PHACTR2: variants seen among roughly 807,000 people sequenced by gnomAD.
PHACTR2 encodes the protein chromosome 6 open reading frame 56.
Under a neutral mutation model 76.0 loss-of-function variants are expected in PHACTR2, and 30 were observed. The ratio of observed to expected loss-of-function variants is 0.39; its 90% CI spans 0.30 to 0.54. PHACTR2 has a LOEUF of 0.54. Ranked by LOEUF, PHACTR2 falls within the 20% of genes least tolerant of loss-of-function variation. The pLI, the probability that PHACTR2 is intolerant of heterozygous loss-of-function variation, is 0.61. For synonymous variants in PHACTR2, 292 were observed against 292.5 expected, an observed-to-expected ratio of 1.00 and a Z score of 0.02; for missense variants, 696 against 781.1, an observed-to-expected ratio of 0.89 and a Z score of 1.30.
rs562410580 is a variant in PHACTR2, at chr6:143,611,684, A to G, written c.13+3362A>G. ...ATGTTGGCGTTTTAGAGAGTCATCAAAAGATTGAAGCAGGTTGCTTTATGA... is the reference window on the plus strand; with the variant it reads ...ATGTTGGCGTTTTAGAGAGTCATCAGAAGATTGAAGCAGGTTGCTTTATGA... On this transcript the variant is annotated intron_variant, in intron 1 of 11. Coordinates refer to the PHACTR2 transcript ENST00000305766. The surrounding 1 kb of genome is among the most constrained non-coding windows in gnomAD (Gnocchi z 4.4). 6.6e-6 allele frequency among the ~76,000 whole-genome samples: 1 copy of G among 152,340 alleles called. No individual in the cohort carries two copies. The highest frequency in any genetic ancestry group is 2.4e-5 in the African/African-American group (1 of 41,576).
In PHACTR2 at chr6:143,621,550, G is replaced by C. The variant is rs1033879728; in HGVS notation, c.13+13228G>C. ...TTCTTATATTTAATCACATTTACTG[G>C]CTTTCTCAAATTGAACATACCCCAA... is the stretch of plus-strand genomic sequence containing the variant. On this transcript the variant is annotated intron_variant, in intron 1 of 11. Coordinates refer to the PHACTR2 transcript ENST00000305766. This position sits in a 1 kb window ranked among gnomAD's most constrained non-coding sequence, Gnocchi z 4.1. 6.6e-6 allele frequency among the ~76,000 whole-genome samples: 1 copy of C among 152,150 alleles called. No individual in the cohort carries two copies. Among genetic ancestry groups the C allele is most frequent in the Non-Finnish European group, 1.5e-5 (1 of 68,030 alleles).
At chr6:143,600,068 G>T (rs1350240837) in intron 1 of PHACTR2, among the ~76,000 whole-genome samples, 1 of 152,248 alleles carries the variant, frequency 6.6e-6, no homozygotes, top group African/African-American at 2.4e-5. Flanking sequence ...CTACTAGAGA[G>T]AATCACCTTT....
rs1775050869 is a variant in PHACTR2 at position 143,549,187 on chromosome 6, A to T, written c.217+11980A>T. Among the ~76,000 whole-genome samples the T allele has an allele frequency of 6.6e-6, 1 of 151,980 alleles. No homozygotes were observed. The highest frequency in any genetic ancestry group is 1.5e-5 in the Non-Finnish European group (1 of 67,942). ...GGCAGCCCTCAGTGGTCATTTAACC[A>T]GATCTCCTCATTCCTTCAGGAAGAT... is the stretch of plus-strand genomic sequence containing the variant. On this transcript the variant is annotated intron_variant, in intron 1 of 11. Coordinates refer to the PHACTR2 transcript ENST00000367584. The surrounding 1 kb of genome is among the most constrained non-coding windows in gnomAD (Gnocchi z 4.2).
chr6:143,555,413 A>G (rs556203555), intron 1 of PHACTR2, among the ~76,000 whole-genome samples: 1 of 152,212 alleles, frequency 6.6e-6, no homozygotes, highest in South Asian at 2.1e-4. Flanking sequence ...AAACCTTATC[A>G]CTTTCACACC....
intron 1 of PHACTR2, among the ~76,000 whole-genome samples, chr6:143,577,865 T>TC (rs898599457): frequency 1.3e-5 from 2 of 151,978 alleles, no homozygotes; most frequent in Non-Finnish European, 2.9e-5. Flanking sequence ...CAGCAAAGGT[T>TC]CAAGAAGTGC....
intron 1 of PHACTR2, among the ~76,000 whole-genome samples, chr6:143,686,568 A>G (rs1462363322): frequency 7.0e-6 from 1 of 143,596 alleles, no homozygotes; most frequent in Non-Finnish European, 1.5e-5. Context: ...GCTCACTGCA[A>G]CCTCCACCTT....
intron 2 of PHACTR2, among the ~76,000 whole-genome samples, chr6:143,740,963 G>A (rs1778926855): frequency 6.6e-6 from 1 of 152,194 alleles, no homozygotes. Context: ...AAAAATAATT[G>A]CTTAGCTGAG....
intron 1 of PHACTR2, among the ~76,000 whole-genome samples, chr6:143,601,629 G>A (rs1447933122): frequency 2.0e-5 from 3 of 152,190 alleles, no homozygotes; most frequent in South Asian, 2.1e-4. Flanking sequence ...TGCCTTTCAC[G>A]GAGATAGGCT....
chr6:143,614,880 A>C (rs1428618075), intron 1 of PHACTR2, among the ~76,000 whole-genome samples: 1 of 152,230 alleles, frequency 6.6e-6, no homozygotes, highest in African/African-American at 2.4e-5. Flanking sequence ...GATTTTATCA[A>C]TCCAAATGTA....
intron 6 of PHACTR2, among the ~76,000 whole-genome samples, chr6:143,771,267 ACT>A (rs1373843154): frequency 8.4e-6 from 1 of 119,534 alleles, no homozygotes. Flanking sequence ...ACAGGGTCTC[ACT>A]CTGTTACCCA....
intron 1 of PHACTR2, among the ~76,000 whole-genome samples, chr6:143,594,839 A>G (rs1775729360): frequency 6.6e-6 from 1 of 152,236 alleles, no homozygotes; most frequent in Non-Finnish European, 1.5e-5. Flanking sequence ...TTTTGCTCTC[A>G]TTAACCAGGT....
intron 1 of PHACTR2, among the ~76,000 whole-genome samples, chr6:143,609,209 C>A (rs547762041): frequency 1.1e-4 from 16 of 152,302 alleles, no homozygotes; most frequent in Admixed American, 4.6e-4. Flanking sequence ...CACTACAAGA[C>A]CACCCATTGA....
chr6:143,577,454 T>C (rs1014769091), intron 1 of PHACTR2, among the ~76,000 whole-genome samples: 7 of 152,154 alleles, frequency 4.6e-5, no homozygotes, highest in African/African-American at 1.7e-4. Flanking sequence ...CATTAAATAG[T>C]ATTAAAGATT....
In PHACTR2 at chr6:143,537,249, G is replaced by T; in HGVS notation, c.217+42G>T. On this transcript the variant is annotated intron_variant, in intron 1 of 11. Transcript: ENST00000367584. This position sits in a 1 kb window ranked among gnomAD's most constrained non-coding sequence, Gnocchi z 4.4. ...GCGCGGGCCGGGGAGGGCCGGCCGC[G>T]GGCAGGTGGCCGCGAGGGCGACGCG... 5.3e-6 allele frequency: 1 copy of T among 190,366 alleles called. No homozygotes were observed. Among genetic ancestry groups the T allele is most frequent in the South Asian group, 1.4e-4 (1 of 7,002 alleles). 11.8% of individuals were successfully genotyped at this position (190,366 alleles called of 1,614,324 possible).
At position 143,619,772 on chromosome 6, in the gene PHACTR2, G is replaced by A. The variant is rs1291165540; in HGVS notation, c.13+11450G>A. 6.6e-6 allele frequency among the ~76,000 whole-genome samples: 1 copy of A among 152,160 alleles called. No homozygotes were observed. Among genetic ancestry groups the A allele is most frequent in the African/African-American group, 2.4e-5 (1 of 41,442 alleles). ...AATTTGGCAACCCTCCATTTTTAAA[G>A]CAGCTTGACTTGGGGCATTTTTAAT... On this transcript the variant is annotated intron_variant, in intron 1 of 11. Coordinates refer to the PHACTR2 transcript ENST00000305766. The surrounding 1 kb of genome is among the most constrained non-coding windows in gnomAD (Gnocchi z 4.5).
At position 143,537,182 on chromosome 6, in the gene PHACTR2, G is replaced by A. The variant is rs889819862; in HGVS notation, c.192G>A (p.Pro64=). 1.3e-5 allele frequency: 4 copies of A among 298,844 alleles called. No individual in the cohort carries two copies. The highest frequency in any genetic ancestry group is 1.9e-5 in the Non-Finnish European group (3 of 153,880). 18.5% of individuals were successfully genotyped at this position (298,844 alleles called of 1,614,324 possible). A position where few individuals can be genotyped will look rare whatever the true frequency, so the allele number is the denominator to read the frequency against. The change falls in exon 1 of 12, where the codon CCG becomes CCA. Residue 64 remains proline (P), a synonymous_variant. Transcript: ENST00000367584. This position sits in a 1 kb window ranked among gnomAD's most constrained non-coding sequence, Gnocchi z 4.4. ...CGTCGTCCTCGAGCAGGGGCCGCCC[G>A]CTCCGGGTCCACATCTCCGGCTCAG...
In PHACTR2 at chr6:143,623,390, C is replaced by T. The variant is rs1776195522; in HGVS notation, c.13+15068C>T. Among the ~76,000 whole-genome samples, 1 of 152,144 alleles carries T rather than the reference C, an allele frequency of 6.6e-6. No individual in the cohort carries two copies. Among genetic ancestry groups the T allele is most frequent in the Non-Finnish European group, 1.5e-5 (1 of 68,032 alleles). ...AGGAGTTCAAGACCAGCCTGGCCAA[C>T]ATGGTGAAACCCTGTCTCTACTAAA... On this transcript the variant is annotated intron_variant, in intron 1 of 11. Transcript: ENST00000305766. The surrounding 1 kb of genome is among the most constrained non-coding windows in gnomAD (Gnocchi z 5.9).
Position 143,795,356 on chromosome 6 carries a change from A to G in PHACTR2, c.1845+6446A>G, listed in dbSNP as rs1472303161. Among the ~76,000 whole-genome samples, 1 of 152,178 alleles carries G rather than the reference A, an allele frequency of 6.6e-6. No homozygotes were observed. The highest frequency in any genetic ancestry group is 2.4e-5 in the African/African-American group (1 of 41,450). The stretch of plus-strand genomic sequence containing the variant: ...TTGAGTCTGGGAGTTCAAGACTGCA[A>G]TGAGCTGTGATTGTGCCACTGCACT... On this transcript the variant is annotated intron_variant, in intron 11 of 12. Transcript: ENST00000440869. This position sits in a 1 kb window ranked among gnomAD's most constrained non-coding sequence, Gnocchi z 4.8.
chr6:143,704,427 A>G (rs1443893499), intron 1 of PHACTR2, among the ~76,000 whole-genome samples: 2 of 152,328 alleles, frequency 1.3e-5, no homozygotes, highest in East Asian at 3.9e-4. Flanking sequence ...TACTGTTGGT[A>G]AAAGACAGTA....
Sources: gnomAD v4.1 joint callset for allele counts (sites outside exome capture counted in the v4.1 genomes callset) on GRCh38, gnomAD v4.1.1 for gene constraint, Gnocchi (gnomAD v3.1) non-coding constraint, MANE v1.5 for transcripts, NCBI Gene and HGNC (gene_info 2026-07-23, HGNC 2026-07-21) for gene names.